Variants in SLC39A11 observed in about 807,000 individuals in gnomAD.
The protein encoded by SLC39A11 is solute carrier family 39 member 11.
A neutral mutation model predicts 36.1 loss-of-function variants in SLC39A11; 33 were observed. That is an observed-to-expected ratio of 0.91 (90% CI 0.69 to 1.22). The LOEUF is 1.22. Among genes scored for constraint, SLC39A11 ranks in the 50% most tolerant of loss-of-function variants. The pLI is 0.00. For missense variants in SLC39A11, 432 were observed against 430.3 expected (o/e 1.00, Z -0.03); for synonymous variants, 166 against 170.3 (o/e 0.97, Z 0.20).
At chr17:72,806,939 C>G (rs945817236) in intron 6 of SLC39A11, among the ~76,000 whole-genome samples, 1 of 152,198 alleles carries the variant, frequency 6.6e-6, no homozygotes, top group African/African-American at 2.4e-5. Flanking sequence ...GCTGACGAGT[C>G]ACCAGTAGAT....
intron 6 of SLC39A11, among the ~76,000 whole-genome samples, chr17:72,780,520 T>TGGGGGGG (rs140108885): frequency 3.6e-5 from 2 of 55,518 alleles, no homozygotes; most frequent in Admixed American, 2.3e-4. Context: ...GCCCTGAAGA[T>TGGGGGGG]GGGGGGCGGG....
chr17:73,047,563 T>C (rs1174876646), intron 3 of SLC39A11, among the ~76,000 whole-genome samples: 2 of 152,092 alleles, frequency 1.3e-5, no homozygotes, highest in African/African-American at 4.8e-5. Flanking sequence ...CTATTTCTCA[T>C]ATGGGGAAAC....
intron 7 of SLC39A11, among the ~76,000 whole-genome samples, chr17:72,664,380 G>A (rs973256688): frequency 6.6e-6 from 1 of 152,186 alleles, no homozygotes; most frequent in Non-Finnish European, 1.5e-5. Context: ...GGCAGGGAGG[G>A]AAAGTGGTCA....
chr17:72,974,431 CA>C lies in SLC39A11; in HGVS notation c.307-26557del, dbSNP rs35927526. 3.3e-3 allele frequency among the ~76,000 whole-genome samples: 441 copies of C among 132,360 alleles called. 1 individual carries two copies. The highest frequency in any genetic ancestry group is 0.01 in the African/African-American group (359 of 34,264). The allele number at this position is 132,360 out of a possible 152,430, so 86.8% of individuals were successfully genotyped here. On this transcript the variant is annotated intron_variant, in intron 4 of 9. Coordinates refer to ENST00000255559, the MANE Select transcript of SLC39A11 (RefSeq NM_139177.4). ...TTGCATTTGTATCTTCATTTTGTAC[CA>C]AAAAAAAAAAAAAAAAATTAAGTAA...
intron 9 of SLC39A11, among the ~76,000 whole-genome samples, 181 bp from the exon 10 acceptor site, chr17:72,647,843 C>T (rs1226965158): frequency 6.6e-6 from 1 of 152,190 alleles, no homozygotes; most frequent in African/African-American, 2.4e-5. Context: ...CCCCAAACAA[C>T]AACCTCATGA....
chr17:73,047,981 AAAAAAAAAAATAT>A (rs1402582864), intron 3 of SLC39A11, among the ~76,000 whole-genome samples: 6 of 53,924 alleles, frequency 1.1e-4, no homozygotes, highest in Non-Finnish European at 1.9e-4. Context: ...AAAAAAAAAA[AAAAAAAAAAATAT>A]ATATATATAT....
At chr17:73,054,231 G>T (rs892256026) in intron 3 of SLC39A11, among the ~76,000 whole-genome samples, 1 of 151,910 alleles carries the variant, frequency 6.6e-6, no homozygotes, top group Non-Finnish European at 1.5e-5. Flanking sequence ...GTTTGGTAGC[G>T]CATGCCTGTA....
At chr17:72,804,886 G>A (rs2077201446) in intron 6 of SLC39A11, among the ~76,000 whole-genome samples, 1 of 152,138 alleles carries the variant, frequency 6.6e-6, no homozygotes, top group Non-Finnish European at 1.5e-5. Flanking sequence ...CAGGCGTGGT[G>A]GCGTGCACCT....
intron 4 of SLC39A11, among the ~76,000 whole-genome samples, chr17:73,029,773 G>A (rs1196199142): frequency 6.6e-6 from 1 of 152,050 alleles, no homozygotes; most frequent in East Asian, 1.9e-4. Flanking sequence ...GTAAAGATGG[G>A]GTTTCTCCAC....
At chr17:72,735,579 T>C (rs2074392622) in intron 7 of SLC39A11, among the ~76,000 whole-genome samples, 1 of 152,170 alleles carries the variant, frequency 6.6e-6, no homozygotes, top group Non-Finnish European at 1.5e-5. Context: ...TTAAAATAAC[T>C]GTGAATTCAA....
chr17:72,741,620 C>G (rs1359733773), intron 6 of SLC39A11, among the ~76,000 whole-genome samples: 1 of 152,072 alleles, frequency 6.6e-6, no homozygotes, highest in Non-Finnish European at 1.5e-5. Context: ...TAATTTGGAG[C>G]CTAGAGGCCT....
At chr17:72,846,484 T>C (rs1401874854) in intron 6 of SLC39A11, among the ~76,000 whole-genome samples, 3 of 152,258 alleles carry the variant, frequency 2.0e-5, no homozygotes, top group Non-Finnish European at 2.9e-5. Context: ...AATATTGCTG[T>C]CATTCCACAC....
chr17:73,045,628 C>T (rs985921669), intron 3 of SLC39A11, among the ~76,000 whole-genome samples: 5 of 151,982 alleles, frequency 3.3e-5, no homozygotes, highest in Non-Finnish European at 7.4e-5. Context: ...GTTCAATGTT[C>T]CTCTTCTACA....
At chr17:72,731,515 C>T (rs1005414482) in intron 7 of SLC39A11, among the ~76,000 whole-genome samples, 1 of 146,032 alleles carries the variant, frequency 6.8e-6, no homozygotes, top group African/African-American at 2.6e-5. Context: ...TTAAAAAGTG[C>T]TTTCATTTGT....
At chr17:72,753,136 G>T (rs1282184711) in intron 6 of SLC39A11, among the ~76,000 whole-genome samples, 1 of 152,208 alleles carries the variant, frequency 6.6e-6, no homozygotes, top group African/African-American at 2.4e-5. Context: ...GGGATTACAG[G>T]CATGAGCCAC....
chr17:72,755,760 C>T (rs1314769220), intron 6 of SLC39A11, among the ~76,000 whole-genome samples: 5 of 152,228 alleles, frequency 3.3e-5, no homozygotes, highest in Non-Finnish European at 5.9e-5. Flanking sequence ...CCCTGACAAG[C>T]TTCACCACCA....
At chr17:72,796,001 C>A (rs564492945) in intron 6 of SLC39A11, among the ~76,000 whole-genome samples, 29 of 152,172 alleles carry the variant, frequency 1.9e-4, no homozygotes, top group Admixed American at 1.5e-3. Flanking sequence ...AAAATGACTA[C>A]AACAAAGAGG....
rs71154939 is a variant in SLC39A11 at position 72,976,169 on chromosome 17, C to CAAAAAAA, written c.307-28301_307-28295dup. ...TGAGCGACAGAGCGCGACTCCATCT[C>CAAAAAAA]AAAAAAAAAAAAAAAAAAAAAAAGG... On this transcript the variant is annotated intron_variant, in intron 4 of 9. Coordinates refer to ENST00000255559, the MANE Select transcript of SLC39A11 (RefSeq NM_139177.4). 7.3e-5 allele frequency among the ~76,000 whole-genome samples: 5 copies of CAAAAAAA among 68,354 alleles called. 1 individual carries two copies. Among genetic ancestry groups the CAAAAAAA allele is most frequent in the Non-Finnish European group, 1.0e-4 (4 of 38,678 alleles). The allele number at this position is 68,354 out of a possible 152,430, so 44.8% of individuals were successfully genotyped here. A position where few individuals can be genotyped will look rare whatever the true frequency, so the allele number is the denominator to read the frequency against.
intron 6 of SLC39A11, among the ~76,000 whole-genome samples, chr17:72,820,292 T>C (rs1568143834): frequency 6.6e-6 from 1 of 151,296 alleles, no homozygotes; most frequent in African/African-American, 2.4e-5. Flanking sequence ...TGAATTTTGT[T>C]GTGCCCCCAG....
Sources: gnomAD v4.1 joint callset for allele counts (sites outside exome capture counted in the v4.1 genomes callset) on GRCh38, gnomAD v4.1.1 for gene constraint, MANE v1.5 for transcripts, NCBI Gene and HGNC (gene_info 2026-07-23, HGNC 2026-07-21) for gene names.